Variants in WDPCP observed in about 807,000 individuals in gnomAD.
WDPCP encodes the protein WD repeat containing planar cell polarity effector.
WDPCP carries 71 observed loss-of-function variants against 93.1 expected under a neutral mutation model. The ratio of observed to expected loss-of-function variants is 0.76; its 90% CI spans 0.63 to 0.93. The LOEUF (loss-of-function observed/expected upper bound fraction) is 0.93, where lower values mean the gene tolerates loss of function less well. WDPCP is among the 40% of genes least tolerant of loss of function. WDPCP has a pLI of 0.00. For synonymous variants in WDPCP, 315 were observed against 315.0 expected (o/e 1.00, Z 0.00); for missense variants, 844 against 887.4 (o/e 0.95, Z 0.62).
intron 2 of WDPCP, among the ~76,000 whole-genome samples, chr2:63,796,890 C>T (rs1296369404): frequency 6.6e-6 from 1 of 152,166 alleles, no homozygotes; most frequent in African/African-American, 2.4e-5. Context: ...GTTTGCACCA[C>T]CCCTCTCCCA....
At chr2:63,606,804 T>G (rs970729345) in intron 3 of WDPCP, 3 of 1,378,900 alleles carry the variant, frequency 2.2e-6, no homozygotes, top group African/African-American at 1.5e-5. Flanking sequence ...AACAAGGTTG[T>G]TGCTTACTGA....
At chr2:63,299,984 G>A (rs1282637707) in intron 13 of WDPCP, among the ~76,000 whole-genome samples, 1 of 152,116 alleles carries the variant, frequency 6.6e-6, no homozygotes, top group East Asian at 1.9e-4. Flanking sequence ...GTAAGGAGCA[G>A]ATAAGATGGC....
intron 2 of WDPCP, among the ~76,000 whole-genome samples, chr2:63,660,526 C>T (rs1192096961): frequency 6.6e-6 from 1 of 152,154 alleles, no homozygotes; most frequent in Non-Finnish European, 1.5e-5. Flanking sequence ...TCCTGCCTCC[C>T]AGTCCAATTT....
upstream of WDPCP, among the ~76,000 whole-genome samples, chr2:63,829,769 G>A (rs535261353): frequency 6.6e-6 from 1 of 151,892 alleles, no homozygotes; most frequent in African/African-American, 2.4e-5. Context: ...TAGAATAATC[G>A]TCTTGTGCAT....
In WDPCP at chr2:63,404,195, T is replaced by G. The variant is rs1381115647; in HGVS notation, c.1288A>C (p.Lys430Gln). The G allele has an allele frequency of 6.2e-7, 1 of 1,614,066 alleles. No homozygotes were observed. Among genetic ancestry groups the G allele is most frequent in the Admixed American group, 1.7e-5 (1 of 59,990 alleles). Residue 430 changes from lysine (K) to glutamine (Q), a missense_variant, in exon 10 of 18, where the codon AAA (lysine) becomes CAA (glutamine). Physicochemically the swap from Lys to Gln is moderately conservative, Grantham distance 53. Coordinates refer to ENST00000272321, the MANE Select transcript of WDPCP (RefSeq NM_015910.7). ...AGACTGCTGGAGGCATCAAATAATT[T>G]ACTGAATTGCAGAGTCTCCCTGGGT... ...RLPRETLQFS[K>Q]LFDASSSLVQ...
At chr2:63,684,230 A>G (rs1049200043) in intron 2 of WDPCP, 9 of 423,288 alleles carry the variant, frequency 2.1e-5, no homozygotes, top group Non-Finnish European at 3.6e-5. Flanking sequence ...GTCACAAAAC[A>G]AGTCTTAAAA....
chr2:63,567,326 T>C (rs1382841225), intron 1 of WDPCP, among the ~76,000 whole-genome samples: 1 of 152,132 alleles, frequency 6.6e-6, no homozygotes, highest in Non-Finnish European at 1.5e-5. Flanking sequence ...CAGCCACCAG[T>C]CATCTTAGCA....
At chr2:63,756,065 C>T (rs1216495306) in intron 2 of WDPCP, among the ~76,000 whole-genome samples, 1 of 152,160 alleles carries the variant, frequency 6.6e-6, no homozygotes, top group African/African-American at 2.4e-5. Context: ...TAACAAGAAC[C>T]TCAAGTGAAA....
intron 14 of WDPCP, among the ~76,000 whole-genome samples, chr2:63,230,621 C>T (rs1386986636): frequency 6.6e-6 from 1 of 152,072 alleles, no homozygotes; most frequent in Admixed American, 6.6e-5. Flanking sequence ...TTTTTAGTGA[C>T]CGCCATTCTA....
chr2:63,546,569 T>C (rs938257254), intron 1 of WDPCP, among the ~76,000 whole-genome samples: 5 of 152,186 alleles, frequency 3.3e-5, no homozygotes, highest in Non-Finnish European at 5.9e-5. Flanking sequence ...ACAGTCCAAA[T>C]TATCTTGACT....
At chr2:63,148,889 C>T (rs1426518844) in intron 17 of WDPCP, among the ~76,000 whole-genome samples, 3 of 146,618 alleles carry the variant, frequency 2.0e-5, no homozygotes, top group African/African-American at 7.5e-5. Context: ...CACACACACA[C>T]ATCCCAAACC....
intron 6 of WDPCP, among the ~76,000 whole-genome samples, chr2:63,479,209 C>T (rs1327958589): frequency 1.3e-5 from 2 of 151,438 alleles, no homozygotes; most frequent in African/African-American, 4.8e-5. Context: ...AAACTGCCAA[C>T]AAAAAAAAGT....
chr2:63,622,038 C>T (rs1709744303), intron 3 of WDPCP: 2 of 798,446 alleles, frequency 2.5e-6, no homozygotes, highest in Non-Finnish European at 3.7e-6. Context: ...TCCCCACTCC[C>T]CTCACCCCTC....
In WDPCP at chr2:63,122,037, GA is replaced by G. The variant is rs1559134680; in HGVS notation, c.2209del (p.Ser737LeufsTer4). On this transcript the variant is annotated frameshift_variant, in exon 18 of 18. Coordinates refer to ENST00000272321, the MANE Select transcript of WDPCP (RefSeq NM_015910.7). LOFTEE classifies it high-confidence loss of function. ...GREQEIRDGG[S>X]LKMIHFGLV ...CAGACCAAAGTGAATCATTTTGAGAGAACCACCATCTCTGATTTCCTGCAAA... is the reference window on the plus strand; with the variant it reads ...CAGACCAAAGTGAATCATTTTGAGAGACCACCATCTCTGATTTCCTGCAAA... The G allele has an allele frequency of 6.2e-7, 1 of 1,612,844 alleles. No homozygotes were observed. Among genetic ancestry groups the G allele is most frequent in the South Asian group, 1.1e-5 (1 of 90,924 alleles).
intron 2 of WDPCP, among the ~76,000 whole-genome samples, chr2:63,810,613 A>T (rs1403186455): frequency 6.6e-6 from 1 of 152,216 alleles, no homozygotes. Flanking sequence ...CTTATAGTAC[A>T]AGGTGGGGGT....
chr2:63,252,443 A>G (rs1400036424), intron 14 of WDPCP, among the ~76,000 whole-genome samples: 1 of 152,176 alleles, frequency 6.6e-6, no homozygotes, highest in African/African-American at 2.4e-5. Flanking sequence ...AGAAATCAGG[A>G]GAAGAGAAAG....
At chr2:63,550,898 T>G (rs1292969386) in intron 1 of WDPCP, among the ~76,000 whole-genome samples, 1 of 152,052 alleles carries the variant, frequency 6.6e-6, no homozygotes, top group Non-Finnish European at 1.5e-5. Flanking sequence ...AGGACTAAAA[T>G]TGAACTTCTC....
chr2:63,510,524 G>T (rs992329665), intron 1 of WDPCP, among the ~76,000 whole-genome samples: 2 of 152,182 alleles, frequency 1.3e-5, no homozygotes, highest in African/African-American at 4.8e-5. Flanking sequence ...ACCGGCACAA[G>T]ACAAGGATGC....
At chr2:63,174,001 T>TTA (rs1325051585) in intron 15 of WDPCP, among the ~76,000 whole-genome samples, 2 of 152,164 alleles carry the variant, frequency 1.3e-5, no homozygotes, top group Non-Finnish European at 2.9e-5. Context: ...TCTCATTCAT[T>TTA]TATATATTGT....
Sources: gnomAD v4.1 joint callset for allele counts (sites outside exome capture counted in the v4.1 genomes callset) on GRCh38, gnomAD v4.1.1 for gene constraint, MANE v1.5 for transcripts, NCBI Gene and HGNC (gene_info 2026-07-23, HGNC 2026-07-21) for gene names.